MCF2L: variants seen among roughly 807,000 people sequenced by gnomAD.
MCF2L encodes guanine nucleotide exchange factor DBS.
In MCF2L, 97 loss-of-function variants were observed where a neutral mutation model predicts 153.4. The ratio of observed to expected loss-of-function variants is 0.63; its 90% CI spans 0.54 to 0.75. The LOEUF is 0.75. MCF2L is among the 30% of genes least tolerant of loss of function. The pLI is 0.00. For missense variants in MCF2L, 1,347 were observed against 1,495.2 expected (o/e 0.90, Z 1.64); for synonymous variants, 659 against 632.2 (o/e 1.04, Z -0.64).
intron 22 of MCF2L, 101 bp downstream of exon 22, chr13:113,087,557 C>T (rs781774954): frequency 5.3e-5 from 61 of 1,143,560 alleles, no homozygotes; most frequent in Non-Finnish European, 7.6e-5. Flanking sequence ...ACCCAGCTCT[C>T]AGCCTTAGGT....
intron 3 of MCF2L, among the ~76,000 whole-genome samples, chr13:113,030,134 C>T (rs1215068093): frequency 2.6e-5 from 4 of 152,140 alleles, no homozygotes; most frequent in South Asian, 2.1e-4. Context: ...TTAATATAAA[C>T]CAAGTTTTTG....
chr13:113,015,336 G>A (rs141872420), intron 2 of MCF2L, among the ~76,000 whole-genome samples: 2 of 152,228 alleles, frequency 1.3e-5, no homozygotes, highest in Non-Finnish European at 2.9e-5. Context: ...CACCTGCAGT[G>A]GCCCCGAGCT....
At chr13:113,014,703 C>G in intron 1 of MCF2L, 60 bp from the exon 2 acceptor site, 3 of 1,450,444 alleles carry the variant, frequency 2.1e-6, no homozygotes, top group Non-Finnish European at 2.9e-6. Context: ...ATCGGGTGGG[C>G]GCTTGCAGGG....
chr13:112,991,731 G>A (rs2082904771), intron 1 of MCF2L, among the ~76,000 whole-genome samples: 1 of 152,146 alleles, frequency 6.6e-6, no homozygotes, highest in Non-Finnish European at 1.5e-5. Context: ...GTGCTCCCTG[G>A]CCGGGAAAGG....
intron 2 of MCF2L, among the ~76,000 whole-genome samples, chr13:112,923,762 C>G (rs1169164155): frequency 1.3e-5 from 2 of 152,080 alleles, no homozygotes; most frequent in African/African-American, 2.4e-5. Context: ...TGAGTTGTCC[C>G]CCTAAATGTC....
At chr13:113,075,256 A>C in intron 11 of MCF2L, 67 bp downstream of exon 11, 1 of 1,421,582 alleles carries the variant, frequency 7.0e-7, no homozygotes, top group Non-Finnish European at 9.5e-7. Context: ...TCCCACATCC[A>C]CCACCGGCTG....
In MCF2L at chr13:113,027,649, G is replaced by A. The variant is rs1340161754; in HGVS notation, c.278+2891G>A. Among the ~76,000 whole-genome samples the A allele has an allele frequency of 6.6e-6, 1 of 152,226 alleles. No homozygotes were observed. Among genetic ancestry groups the A allele is most frequent in the Non-Finnish European group, 1.5e-5 (1 of 68,032 alleles). On this transcript the variant is annotated intron_variant, in intron 3 of 29. Transcript: ENST00000535094. This position sits in a 1 kb window ranked among gnomAD's most constrained non-coding sequence, Gnocchi z 4.8. ...GGCCGAGCGGCCGAGCTCCCTGAGG[G>A]GCTGATGGGACCGGCTTGGTGGGGC...
intron 3 of MCF2L, among the ~76,000 whole-genome samples, chr13:113,030,816 C>G (rs2085639836): frequency 6.6e-6 from 1 of 152,102 alleles, no homozygotes. Flanking sequence ...CTGTATGGCC[C>G]CCTTAGAACC....
intron 4 of MCF2L, among the ~76,000 whole-genome samples, chr13:113,056,330 T>G (rs2087770411): frequency 7.1e-6 from 1 of 141,838 alleles, no homozygotes; most frequent in African/African-American, 2.7e-5. Context: ...TGCTGAGTGT[T>G]TCGGTGCTGT....
intron 2 of MCF2L, among the ~76,000 whole-genome samples, chr13:112,944,361 GTA>G (rs1466499300): frequency 6.6e-6 from 1 of 152,070 alleles, no homozygotes; most frequent in Non-Finnish European, 1.5e-5. Flanking sequence ...TCCCTACAGC[GTA>G]TGTGTGCTCT....
At chr13:113,041,567 G>A (rs1227724086) in intron 3 of MCF2L, among the ~76,000 whole-genome samples, 1 of 151,654 alleles carries the variant, frequency 6.6e-6, no homozygotes, top group African/African-American at 2.4e-5. Context: ...AGTCAGTATG[G>A]GGGATCATGT....
At chr13:112,924,108 G>A (rs1442857224) in intron 2 of MCF2L, among the ~76,000 whole-genome samples, 2 of 151,968 alleles carry the variant, frequency 1.3e-5, no homozygotes, top group Non-Finnish European at 2.9e-5. Flanking sequence ...GAGAGCTTCT[G>A]TAACATGACC....
In MCF2L at chr13:113,023,314, C is replaced by G. The variant is rs949979797; in HGVS notation, c.164-1330C>G. On this transcript the variant is annotated intron_variant, in intron 2 of 29. Transcript: ENST00000535094. ...TGAGTCATGTCCCATTGAGGGGTGC[C>G]GACAAGGACTCGGGAGGAGGCCACG... Among the ~76,000 whole-genome samples, 4 of 152,176 alleles carry G rather than the reference C, an allele frequency of 2.6e-5. No individual in the cohort carries two copies. In the South Asian group the frequency reaches 6.2e-4, roughly 24 times the overall value.
chr13:113,020,969 G>C (rs1377808707), intron 2 of MCF2L, among the ~76,000 whole-genome samples: 1 of 152,016 alleles, frequency 6.6e-6, no homozygotes, highest in East Asian at 1.9e-4. Flanking sequence ...GTATATGTGT[G>C]TACTTGTAGA....
At chr13:112,940,092 G>T in intron 2 of MCF2L, among the ~76,000 whole-genome samples, 1 of 151,992 alleles carries the variant, frequency 6.6e-6, no homozygotes, top group Admixed American at 6.6e-5. Context: ...ACAACGGGGG[G>T]TGGGGGCATC....
chr13:112,954,125 GC>G (rs1007650991), intron 2 of MCF2L, among the ~76,000 whole-genome samples: 2 of 152,202 alleles, frequency 1.3e-5, no homozygotes, highest in African/African-American at 4.8e-5. Context: ...GACTTGCTAT[GC>G]ACTTGTCTTG....
chr13:113,056,003 A>G (rs534066446), intron 4 of MCF2L, among the ~76,000 whole-genome samples: 13 of 152,192 alleles, frequency 8.5e-5, no homozygotes, highest in Middle Eastern at 3.2e-3. Context: ...ACACCCGCAG[A>G]GGACCTGCCA....
intron 8 of MCF2L, 107 bp downstream of exon 8, chr13:113,066,277 C>T (rs546454242): frequency 2.4e-4 from 330 of 1,352,214 alleles, no homozygotes; most frequent in Non-Finnish European, 3.0e-4. Flanking sequence ...TAGCAAGCAG[C>T]GTGGCAGGCA....
chr13:113,044,593 T>C (rs2086685607), intron 3 of MCF2L: 1 of 1,551,042 alleles, frequency 6.4e-7, no homozygotes, highest in Non-Finnish European at 8.7e-7. Context: ...ATCACGCAAT[T>C]GGCTTGGCTG....
Sources: gnomAD v4.1 joint callset for allele counts (sites outside exome capture counted in the v4.1 genomes callset) on GRCh38, gnomAD v4.1.1 for gene constraint, Gnocchi (gnomAD v3.1) non-coding constraint, MANE v1.5 for transcripts, NCBI Gene and HGNC (gene_info 2026-07-23, HGNC 2026-07-21) for gene names.